ANK2: variants seen among roughly 807,000 people sequenced by gnomAD.
ANK2 encodes the protein ankyrin-2.
Under a neutral mutation model 360.5 loss-of-function variants are expected in ANK2, and 83 were observed. The ratio of observed to expected loss-of-function variants is 0.23; its 90% CI spans 0.19 to 0.28. The LOEUF is 0.28. Among genes scored for constraint, ANK2 ranks in the 10% least tolerant of loss-of-function variants. The pLI is 1.00. For synonymous variants in ANK2, 1,740 were observed against 1,759.5 expected (o/e 0.99, Z 0.28); for missense variants, 4,201 against 4,795.7 (o/e 0.88, Z 3.66).
intron 1 of ANK2, among the ~76,000 whole-genome samples, chr4:112,869,522 A>G (rs2072036603): frequency 1.3e-5 from 2 of 152,212 alleles, no homozygotes; most frequent in South Asian, 2.1e-4. Flanking sequence ...AGCTCAAGTG[A>G]TCCACCTGCC....
intron 2 of ANK2, among the ~76,000 whole-genome samples, chr4:112,915,039 A>T (rs144373078): frequency 7.9e-4 from 121 of 152,360 alleles, no homozygotes; most frequent in African/African-American, 2.4e-3. Context: ...ACTGGAAAAT[A>T]CATCTAAACT....
chr4:112,761,737 C>T, the ANK2 span, among the ~76,000 whole-genome samples: 1 of 152,218 alleles, frequency 6.6e-6, no homozygotes, highest in African/African-American at 2.4e-5. Context: ...TGCTTGTCAT[C>T]TTCCTCTACT....
At chr4:113,268,103 A>G (rs2056962321) in intron 14 of ANK2, among the ~76,000 whole-genome samples, 1 of 152,180 alleles carries the variant, frequency 6.6e-6, no homozygotes, top group Non-Finnish European at 1.5e-5. Context: ...TGGATGTTGT[A>G]TCCTGAGACT....
Position 113,108,332 on chromosome 4 carries a change from C to G in ANK2, c.84+58520C>G, listed in dbSNP as rs146809925. 9.1e-3 allele frequency among the ~76,000 whole-genome samples: 1,382 copies of G among 152,138 alleles called. 24 individuals carry two copies. The highest frequency in any genetic ancestry group is 0.03 in the African/African-American group (1,238 of 41,516). On this transcript the variant is annotated intron_variant, in intron 1 of 45. Coordinates refer to ENST00000357077, the MANE Select transcript of ANK2 (RefSeq NM_001148.6). ...ATTCAATAGCAATATTGTAGAAATT[C>G]CTTTTTATTAAGTTCTTACAAAGCA...
At chr4:112,962,818 T>C (rs562651334) in intron 2 of ANK2, among the ~76,000 whole-genome samples, 12 of 152,324 alleles carry the variant, frequency 7.9e-5, no homozygotes, top group African/African-American at 2.9e-4. Context: ...TAGAATGACA[T>C]GATTTCATTA....
At chr4:112,849,549 A>G (rs2149923191) in intron 1 of ANK2, among the ~76,000 whole-genome samples, 1 of 152,270 alleles carries the variant, frequency 6.6e-6, no homozygotes, top group East Asian at 1.9e-4. Context: ...TTACCTGTCG[A>G]GGCTAGTTAA....
At chr4:113,211,766 T>C (rs936766778) in intron 4 of ANK2, among the ~76,000 whole-genome samples, 2 of 152,198 alleles carry the variant, frequency 1.3e-5, no homozygotes, top group Non-Finnish European at 2.9e-5. Context: ...TTCTGATATC[T>C]GGCTAAATAC....
intron 29 of ANK2, among the ~76,000 whole-genome samples, chr4:113,335,265 C>T (rs2093355335): frequency 1.3e-5 from 2 of 152,126 alleles, no homozygotes; most frequent in Admixed American, 1.3e-4. Flanking sequence ...TTCCTAATCA[C>T]TGATTTTTTA....
intron 18 of ANK2, among the ~76,000 whole-genome samples, chr4:113,283,492 C>G (rs1033603124): frequency 1.3e-5 from 2 of 152,036 alleles, no homozygotes; most frequent in Non-Finnish European, 2.9e-5. Flanking sequence ...TCATTTTAGC[C>G]TTTCTCCAGG....
intron 1 of ANK2, among the ~76,000 whole-genome samples, chr4:112,838,662 G>T (rs1326961623): frequency 2.4e-4 from 36 of 152,218 alleles, no homozygotes; most frequent in Non-Finnish European, 5.9e-5. Context: ...GAGGTCAGGA[G>T]TTCAAGACCA....
chr4:113,037,779 A>T lies in ANK2; in HGVS notation c.21+133265A>T, dbSNP rs183337843. On this transcript the variant is annotated intron_variant, in intron 2 of 30. Transcript: ENST00000503271. ...AGTGTTACTGTAAGCCAGAAACATG[A>T]ATAAGGCCTAAATAGAAGAGAACAA... Among the ~76,000 whole-genome samples, 11 of 152,138 alleles carry T rather than the reference A, an allele frequency of 7.2e-5. No homozygotes were observed. The East Asian group carries it at 2.1e-3, about 30-fold the overall frequency.
rs756936036 is a variant in ANK2, at chr4:113,336,010, G to A, written c.3544G>A (p.Val1182Ile). The A allele has an allele frequency of 7.4e-6, 12 of 1,613,988 alleles. No individual in the cohort carries two copies. Among genetic ancestry groups the A allele is most frequent in the South Asian group, 3.3e-5 (3 of 91,086 alleles). ...SSTVVPQVQA[V>I]FPEGALTKRI... is the part of the protein sequence containing the mutation. ...CACAGTGGTGCCCCAGGTGCAGGCCGTCTTCCCAGAGGGGGCACTCACCAA... is the reference window on the plus strand; with the variant it reads ...CACAGTGGTGCCCCAGGTGCAGGCCATCTTCCCAGAGGGGGCACTCACCAA... The change falls in exon 30 of 46, where the codon GTC (valine) becomes ATC (isoleucine). Residue 1182 changes from valine to isoleucine, a missense_variant. By Grantham distance (29) the Val-to-Ile change is conservative (BLOSUM62 3). Around this residue, in one of 4 missense-constraint regions of ANK2, gnomAD observed 1,268 missense variants for 1,650.8 expected, o/e 0.77. Transcript: ENST00000357077.
At chr4:113,094,965 T>C (rs907968815) in intron 1 of ANK2, among the ~76,000 whole-genome samples, 22 of 152,364 alleles carry the variant, frequency 1.4e-4, no homozygotes, top group African/African-American at 4.3e-4. Flanking sequence ...CAGTGGTGTC[T>C]TTGAAGAATA....
the ANK2 span, among the ~76,000 whole-genome samples, chr4:112,743,466 A>C: frequency 1.5e-3 from 232 of 151,834 alleles, 1 homozygote; most frequent in Non-Finnish European, 2.7e-3. Context: ...GTGCAAAAGT[A>C]ATCTCGGTCT....
At chr4:113,333,767 C>A (rs2093000194) in intron 29 of ANK2, among the ~76,000 whole-genome samples, 1 of 152,124 alleles carries the variant, frequency 6.6e-6, no homozygotes. Context: ...ATAATTCAAA[C>A]AGGGAGTTAG....
intron 1 of ANK2, among the ~76,000 whole-genome samples, chr4:112,871,331 G>A (rs1048178014): frequency 1.3e-5 from 2 of 151,966 alleles, no homozygotes; most frequent in Non-Finnish European, 2.9e-5. Flanking sequence ...GACTATAGGC[G>A]CACGCCGCTA....
intron 4 of ANK2, among the ~76,000 whole-genome samples, chr4:113,229,009 C>A (rs1047268225): frequency 6.6e-6 from 1 of 152,310 alleles, no homozygotes; most frequent in Non-Finnish European, 1.5e-5. Flanking sequence ...CTATCCCTGA[C>A]TCCATCTGCC....
At position 113,355,846 on chromosome 4, in the gene ANK2, G is replaced by A; in HGVS notation, c.7228G>A (p.Glu2410Lys). The A allele has an allele frequency of 6.2e-7, 1 of 1,614,104 alleles. No individual in the cohort carries two copies. Among genetic ancestry groups the A allele is most frequent in the Non-Finnish European group, 8.5e-7 (1 of 1,179,972 alleles). The change falls in exon 38 of 46, where the codon GAA becomes AAA. Residue 2410 changes from glutamate (E) to lysine (K), a missense_variant. Transcript: ENST00000357077. Reference sequence around the variant, plus strand: ...AGTCATTAGAAGTCCCCAAGGGTTAGAACTTGCACTCCCTAGCCGAGATAG... The same window carrying A: ...AGTCATTAGAAGTCCCCAAGGGTTAAAACTTGCACTCCCTAGCCGAGATAG... ...QGVIRSPQGL[E>K]LALPSRDSEV...
intron 1 of ANK2, among the ~76,000 whole-genome samples, chr4:112,835,725 C>T (rs28602840): frequency 0.12 from 17,988 of 152,048 alleles, 1,800 homozygotes; most frequent in African/African-American, 0.27. Flanking sequence ...TATCAAAATG[C>T]TTGGTAAAGT....
Sources: allele counts gnomAD v4.1 joint callset (sites outside exome capture counted in the v4.1 genomes callset), GRCh38; gene constraint gnomAD v4.1.1; regional missense constraint gnomAD v4.1.1; transcripts MANE v1.5; gene names NCBI Gene and HGNC (gene_info 2026-07-23, HGNC 2026-07-21).